The following C10orf90 variants were observed in gnomAD, a reference collection of about 807,000 sequenced individuals.
The protein encoded by C10orf90 is (E2-independent) E3 ubiquitin-conjugating enzyme FATS.
A neutral mutation model predicts 62.5 loss-of-function variants in C10orf90; 56 were observed. That is an observed-to-expected ratio of 0.90 (90% confidence interval 0.72 to 1.12). The LOEUF (loss-of-function observed/expected upper bound fraction) is 1.12, where lower values mean the gene tolerates loss of function less well. C10orf90 is among the 50% of genes most tolerant of loss of function. The probability of loss-of-function intolerance (pLI) is 0.00; values close to 1 mark genes in which losing one functional copy is unlikely to be tolerated. For synonymous variants in C10orf90, 386 were observed against 340.4 expected (o/e 1.13, Z -1.47); for missense variants, 970 against 880.4 (o/e 1.10, Z -1.29).
chr10:126,431,289 C>T (rs1055540786), intron 7 of C10orf90, among the ~76,000 whole-genome samples: 1 of 152,180 alleles, frequency 6.6e-6, no homozygotes. Flanking sequence ...TGCAAGGTCA[C>T]TCCTCTCATA....
At chr10:126,567,572 T>C (rs542664353) in intron 2 of C10orf90, among the ~76,000 whole-genome samples, 1 of 152,256 alleles carries the variant, frequency 6.6e-6, no homozygotes, top group African/African-American at 2.4e-5. Flanking sequence ...ACAGCTGGGT[T>C]GGCTGAAGGA....
rs1005453038 is a variant in C10orf90, at chr10:126,475,160, A to C, written c.1535-10174T>G. On this transcript the variant is annotated intron_variant, in intron 4 of 9. Coordinates refer to ENST00000488181, the MANE Select transcript of C10orf90 (RefSeq NM_001350921.2). Reference sequence around the variant, plus strand: ...GAGAGCCCTGGAGAGTCTTTGAGCTAATGAGCCTGGTCAAAGGGACGTGGA... The same window carrying C: ...GAGAGCCCTGGAGAGTCTTTGAGCTCATGAGCCTGGTCAAAGGGACGTGGA... Among the ~76,000 whole-genome samples, 55 of 152,214 alleles carry C rather than the reference A, an allele frequency of 3.6e-4. 1 individual carries two copies. The highest frequency in any genetic ancestry group is 3.4e-4 in the Non-Finnish European group (23 of 68,036).
At chr10:126,665,318 A>G (rs1272822766) in intron 1 of C10orf90, among the ~76,000 whole-genome samples, 1 of 152,212 alleles carries the variant, frequency 6.6e-6, no homozygotes, top group Non-Finnish European at 1.5e-5. Flanking sequence ...GTCTGGAAAT[A>G]GGGAAAATTG....
chr10:126,557,010 TAA>T lies in C10orf90; in HGVS notation c.314-43073_314-43072del, dbSNP rs200947401. 2.8e-3 allele frequency among the ~76,000 whole-genome samples: 363 copies of T among 131,934 alleles called. 2 individuals are homozygous for T. Among genetic ancestry groups the T allele is most frequent in the African/African-American group, 5.2e-3 (183 of 35,464 alleles). 86.6% of individuals were successfully genotyped at this position (131,934 alleles called of 152,430 possible). A position where few individuals can be genotyped will look rare whatever the true frequency, so the allele number is the denominator to read the frequency against. ...TCGTGGTTTTTGCAATTAATCAATTTAAAAAAAAAAAAAAAAAGGCAAAAACC... is the reference window on the plus strand; with the variant it reads ...TCGTGGTTTTTGCAATTAATCAATTTAAAAAAAAAAAAAAAGGCAAAAACC... On this transcript the variant is annotated intron_variant, in intron 2 of 9. Coordinates refer to ENST00000488181, the MANE Select transcript of C10orf90 (RefSeq NM_001350921.2).
chr10:126,483,532 T>C (rs567074587), intron 4 of C10orf90, among the ~76,000 whole-genome samples: 1 of 152,348 alleles, frequency 6.6e-6, no homozygotes, highest in African/African-American at 2.4e-5. Flanking sequence ...GAGCTTGAAA[T>C]GATCGGTGAT....
chr10:126,438,574 G>C (rs943649187), intron 7 of C10orf90, among the ~76,000 whole-genome samples: 15 of 152,122 alleles, frequency 9.9e-5, no homozygotes, highest in African/African-American at 3.6e-4. Context: ...GAATCTGAAG[G>C]AACTGGTTCT....
intron 2 of C10orf90, among the ~76,000 whole-genome samples, chr10:126,570,569 A>C (rs1844485997): frequency 1.3e-5 from 2 of 152,224 alleles, no homozygotes; most frequent in Admixed American, 1.3e-4. Context: ...GGAGTAATGC[A>C]CTGAGATTCC....
intron 7 of C10orf90, among the ~76,000 whole-genome samples, chr10:126,444,970 G>C (rs533749449): frequency 2.1e-4 from 32 of 152,252 alleles, no homozygotes; most frequent in African/African-American, 7.7e-4. Context: ...CTAGCAACAT[G>C]TAGAATGAAA....
chr10:126,667,085 G>A (rs1846645252), intron 1 of C10orf90, among the ~76,000 whole-genome samples: 1 of 147,874 alleles, frequency 6.8e-6, no homozygotes, highest in African/African-American at 2.5e-5. Context: ...TGGAAACAGA[G>A]TGTTGCTCTG....
At chr10:126,648,490 G>A (rs973508307) in intron 1 of C10orf90, among the ~76,000 whole-genome samples, 3 of 152,148 alleles carry the variant, frequency 2.0e-5, no homozygotes, top group Non-Finnish European at 2.9e-5. Flanking sequence ...TCATTATTTG[G>A]CTATTTGACT....
rs1863637872 is a variant in C10orf90 at position 126,519,731 on chromosome 10, TG to T, written c.314-5793del. Among the ~76,000 whole-genome samples the T allele has an allele frequency of 3.3e-5, 5 of 152,354 alleles. No homozygotes were observed. In the South Asian group the frequency reaches 1.0e-3, roughly 32 times the overall value. On this transcript the variant is annotated intron_variant, in intron 2 of 9. Coordinates refer to ENST00000488181, the MANE Select transcript of C10orf90 (RefSeq NM_001350921.2). ...GGCGCTATTGACTACACAGTTTCTC[TG>T]GGAAGTCTTCCTGTCTTCAACTTCT...
chr10:126,623,233 C>T (rs1845680740), intron 2 of C10orf90, among the ~76,000 whole-genome samples: 2 of 152,154 alleles, frequency 1.3e-5, no homozygotes, highest in Admixed American at 1.3e-4. Context: ...TAAAAGGCTA[C>T]AGGACACCCC....
chr10:126,494,964 A>T (rs923233366), intron 4 of C10orf90, among the ~76,000 whole-genome samples: 1 of 152,236 alleles, frequency 6.6e-6, no homozygotes, highest in African/African-American at 2.4e-5. Context: ...TAGCTGAGAA[A>T]ATACACTGTA....
intron 2 of C10orf90, among the ~76,000 whole-genome samples, chr10:126,549,504 G>A (rs190375370): frequency 1.1e-4 from 17 of 152,282 alleles, no homozygotes; most frequent in Non-Finnish European, 1.2e-4. Flanking sequence ...TTAAAAAATA[G>A]TGACAACACC....
In C10orf90 at chr10:126,459,696, G is replaced by A. The variant is rs147018464; in HGVS notation, c.2011-479C>T. On this transcript the variant is annotated intron_variant, in intron 6 of 9. Transcript: ENST00000488181. ...CAGCGTGAAAAACGTGCTCTTTCAGGAGGCACCACAACTGCGGCTGAAGGA... is the reference window on the plus strand; with the variant it reads ...CAGCGTGAAAAACGTGCTCTTTCAGAAGGCACCACAACTGCGGCTGAAGGA... Among the ~76,000 whole-genome samples the A allele has an allele frequency of 1.5e-3, 221 of 152,334 alleles. 2 individuals carry two copies. Among genetic ancestry groups the A allele is most frequent in the African/African-American group, 5.1e-3 (210 of 41,572 alleles).
chr10:126,605,774 G>C (rs1481111637), intron 2 of C10orf90, among the ~76,000 whole-genome samples: 1 of 152,092 alleles, frequency 6.6e-6, no homozygotes, highest in Non-Finnish European at 1.5e-5. Flanking sequence ...TAGGATTAGG[G>C]AACTCAACAG....
chr10:126,445,826 T>TATATATATATATATATATATATATAC (rs57867349), intron 7 of C10orf90, among the ~76,000 whole-genome samples: 5 of 144,764 alleles, frequency 3.5e-5, no homozygotes, highest in African/African-American at 1.0e-4. Context: ...TATATATATA[T>TATATATATATATATATATATATATAC]ACAATGGAAT....
At chr10:126,605,885 A>G (rs1011292169) in intron 2 of C10orf90, among the ~76,000 whole-genome samples, 3 of 151,330 alleles carry the variant, frequency 2.0e-5, no homozygotes, top group Non-Finnish European at 4.4e-5. Flanking sequence ...ACATGCATAC[A>G]TACATACATA....
intron 2 of C10orf90, among the ~76,000 whole-genome samples, chr10:126,604,952 T>C (rs1845275480): frequency 6.6e-6 from 1 of 152,200 alleles, no homozygotes; most frequent in South Asian, 2.1e-4. Flanking sequence ...CATGCTCTTT[T>C]GATCCCGTGC....
Sources: gnomAD v4.1 joint callset for allele counts (sites outside exome capture counted in the v4.1 genomes callset) on GRCh38, gnomAD v4.1.1 for gene constraint, MANE v1.5 for transcripts, NCBI Gene and HGNC (gene_info 2026-07-23, HGNC 2026-07-21) for gene names.